The following TOP1MT variants were observed in gnomAD, a reference collection of about 807,000 sequenced individuals.
The protein encoded by TOP1MT is DNA topoisomerase I, mitochondrial.
In TOP1MT, 80 loss-of-function variants were observed where a neutral mutation model predicts 73.9. The observed-to-expected ratio is 1.08, with a 90% CI of 0.90 to 1.30. The LOEUF (loss-of-function observed/expected upper bound fraction) is 1.30. TOP1MT is among the 50% of genes most tolerant of loss of function. The pLI is 0.00. For missense variants in TOP1MT, 815 were observed against 808.0 expected (o/e 1.01, Z -0.10); for synonymous variants, 338 against 326.4 (o/e 1.04, Z -0.38).
chr8:143,337,841 G>GACCTAATC (rs1451548470), upstream of TOP1MT, among the ~76,000 whole-genome samples: 57 of 152,222 alleles, frequency 3.7e-4, no homozygotes, highest in African/African-American at 1.0e-3. Flanking sequence ...GATCGGCCCG[G>GACCTAATC]ACCTAATCGC....
At chr8:143,330,923 G>A (rs1259978683) in intron 2 of TOP1MT, among the ~76,000 whole-genome samples, 2 of 138,652 alleles carry the variant, frequency 1.4e-5, no homozygotes, top group Admixed American at 1.4e-4. Flanking sequence ...AACACACAGG[G>A]AACACAGTGG....
intron 1 of TOP1MT, among the ~76,000 whole-genome samples, chr8:143,355,756 C>T (rs921748592): frequency 5.3e-5 from 8 of 152,188 alleles, no homozygotes; most frequent in East Asian, 1.9e-4. Context: ...GCTCGCATTA[C>T]GAACCTGCTC....
Position 143,325,430 on chromosome 8 carries a change from A to T in TOP1MT, c.587T>A (p.Leu196Ter). ...IGNFKIEPPG[L>*]FRGRGDHPKM... ...GGGATGGTCGCCACGGCCACGGAAC[A>T]AGCCAGGCGGCTCAATCTTGAAGTT... is the stretch of plus-strand genomic sequence containing the variant. The change falls in exon 5 of 14, where the codon TTG (leucine) becomes TAG (stop). Residue 196 changes from leucine (L) to a stop codon, truncating the protein, a stop_gained. Transcript: ENST00000329245. LOFTEE classifies it high-confidence loss of function. The T allele has an allele frequency of 6.2e-7, 1 of 1,613,374 alleles. No homozygotes were observed.
upstream of TOP1MT, among the ~76,000 whole-genome samples, chr8:143,335,335 G>T (rs931637500): frequency 6.6e-6 from 1 of 152,196 alleles, no homozygotes; most frequent in African/African-American, 2.4e-5. Flanking sequence ...ACAAACAGCA[G>T]CACTTCCAGG....
Position 143,344,315 on chromosome 8 carries a change from C to T in TOP1MT, c.-39+601G>A, listed in dbSNP as rs1291270207. On this transcript the variant is annotated intron_variant, in intron 1 of 5. Coordinates refer to the TOP1MT transcript ENST00000518007. The surrounding 1 kb of genome is among the most constrained non-coding windows in gnomAD (Gnocchi z 4.6). ...TCCCACAGGGAAGCCGTGGGAGGCC[C>T]CCTCTGCCCCAGCCCAGCTCAGCCC... 6.6e-6 allele frequency: 1 copy of T among 152,412 alleles called. No individual in the cohort carries two copies. The highest frequency in any genetic ancestry group is 1.5e-5 in the Non-Finnish European group (1 of 68,250). The allele number at this position is 152,412 out of a possible 1,614,324, so 9.4% of individuals were successfully genotyped here. A position where few individuals can be genotyped will look rare whatever the true frequency, so the allele number is the denominator to read the frequency against.
At position 143,318,547 on chromosome 8, in the gene TOP1MT, G is replaced by A. The variant is rs573585629; in HGVS notation, c.1147-461C>T. ...CTTCTGGAAAGACCAACCCTGCTCC[G>A]AGGAAACGCCAGCCTGCACCTGCAC... On this transcript the variant is annotated intron_variant, in intron 8 of 13. Transcript: ENST00000329245. Among the ~76,000 whole-genome samples, 97 of 152,236 alleles carry A rather than the reference G, an allele frequency of 6.4e-4. 1 individual carries two copies. Among genetic ancestry groups the A allele is most frequent in the Non-Finnish European group, 1.1e-3 (73 of 68,006 alleles).
At chr8:143,335,836 C>G (rs1816973268), upstream of TOP1MT, among the ~76,000 whole-genome samples, 1 of 152,248 alleles carries the variant, frequency 6.6e-6, no homozygotes, top group Non-Finnish European at 1.5e-5. Flanking sequence ...CACCAACTGA[C>G]TCAGTGTCCA....
intron 12 of TOP1MT, among the ~76,000 whole-genome samples, chr8:143,312,144 C>A (rs1816030553): frequency 6.6e-6 from 1 of 152,212 alleles, no homozygotes; most frequent in Non-Finnish European, 1.5e-5. Context: ...GCCTGAGCAA[C>A]ACAGCAAGAC....
rs1368071558 is a variant in TOP1MT at position 143,321,300 on chromosome 8, C to G, written c.1047G>C (p.Gln349His). Residue 349 changes from glutamine (Q) to histidine (H), a missense_variant, in exon 8 of 14, where the codon CAG becomes CAC. Gln to His is a conservative substitution (Grantham distance 24). Transcript: ENST00000329245. ...GCCSLRVEHV[Q>H]LHPEADGCQH... Reference sequence around the variant, plus strand: ...GGCAGCCATCGGCCTCCGGGTGCAGCTGGACGTGCTCCACGCGGAGGGAAC... The same window carrying G: ...GGCAGCCATCGGCCTCCGGGTGCAGGTGGACGTGCTCCACGCGGAGGGAAC... The G allele has an allele frequency of 6.2e-7, 1 of 1,612,676 alleles. No individual in the cohort carries two copies.
chr8:143,341,433 T>C lies in TOP1MT; in HGVS notation c.29+1787A>G, dbSNP rs1160465527. Among the ~76,000 whole-genome samples, 5 of 152,164 alleles carry C rather than the reference T, an allele frequency of 3.3e-5. No individual in the cohort carries two copies. Among genetic ancestry groups the C allele is most frequent in the Admixed American group, 3.3e-4 (5 of 15,280 alleles). On this transcript the variant is annotated intron_variant, in intron 2 of 5. Coordinates refer to the TOP1MT transcript ENST00000518007. The surrounding 1 kb of genome is among the most constrained non-coding windows in gnomAD (Gnocchi z 4.1). ...GTCTGCAGGAACCTCCGTGTGGCCTTGGGACCTTGCCCAGAACAGAGAGCA... is the reference window on the plus strand; with the variant it reads ...GTCTGCAGGAACCTCCGTGTGGCCTCGGGACCTTGCCCAGAACAGAGAGCA...
At chr8:143,324,169 A>T in intron 6 of TOP1MT, 27 bp from the exon 7 acceptor site, 1 of 1,610,782 alleles carries the variant, frequency 6.2e-7, no homozygotes, top group South Asian at 1.1e-5. Flanking sequence ...ACAGGAAAGA[A>T]AACATTCACA....
chr8:143,338,876 C>T (rs1563769913), upstream of TOP1MT, among the ~76,000 whole-genome samples: 1 of 152,210 alleles, frequency 6.6e-6, no homozygotes, highest in African/African-American at 2.4e-5. Flanking sequence ...TGGCGGCCTC[C>T]TCCCCTTGTG....
At chr8:143,332,700 G>A in intron 1 of TOP1MT, 1 of 598,702 alleles carries the variant, frequency 1.7e-6, no homozygotes, top group South Asian at 1.6e-5. Flanking sequence ...CGTAGAGACG[G>A]AGCTGATAAA....
At position 143,316,088 on chromosome 8, in the gene TOP1MT, G is replaced by C. The variant is rs200573878; in HGVS notation, c.1369C>G (p.Arg457Gly). 2 of 1,614,162 alleles carry C rather than the reference G, an allele frequency of 1.2e-6. No homozygotes were observed. The highest frequency in any genetic ancestry group is 1.7e-6 in the Non-Finnish European group (2 of 1,179,998). ...AGAATGGCCACGACTCGGTTGGCTC[G>C]GTTGTAGGATAAGATCTTAGCTGCT... ...SIAAKILSYN[R>G]ANRVVAILCN... Residue 457 changes from arginine (R) to glycine (G), a missense_variant, in exon 11 of 14, where the codon CGA (arginine) becomes GGA (glycine). By Grantham distance (125) the Arg-to-Gly change is moderately radical. This residue lies in a region of TOP1MT where 751 missense variants were observed against 725.4 expected (regional missense o/e 1.04). Coordinates refer to ENST00000329245, the MANE Select transcript of TOP1MT (RefSeq NM_052963.3).
At chr8:143,354,838 A>G (rs1349056538) in intron 1 of TOP1MT, among the ~76,000 whole-genome samples, 1 of 152,208 alleles carries the variant, frequency 6.6e-6, no homozygotes, top group Non-Finnish European at 1.5e-5. Context: ...GGGCTGCTGC[A>G]TGGTCAGACC....
chr8:143,315,765 C>A lies in TOP1MT; in HGVS notation c.1515G>T (p.Arg505Ser), dbSNP rs1418259661. 3.1e-6 allele frequency: 5 copies of A among 1,614,056 alleles called. No individual in the cohort carries two copies. In the East Asian group the frequency reaches 8.9e-5, roughly 29 times the overall value. Residue 505 changes from arginine (R) to serine (S), a missense_variant, in exon 12 of 14, where the codon AGG (arginine) becomes AGT (serine). Transcript: ENST00000329245. ...AEARAELRRA[R>S]AEHKAQGDGK... ...CATCCCCTTGGGCTTTGTGCTCAGC[C>A]CTCGCCCTCCTCAGCTCTGCCCTGG...
At chr8:143,340,597 C>T (rs2130397980) in intron 2 of TOP1MT, among the ~76,000 whole-genome samples, 1 of 152,294 alleles carries the variant, frequency 6.6e-6, no homozygotes, top group South Asian at 2.1e-4. Context: ...TCACCAGGCC[C>T]CCCACCTCCC....
At chr8:143,348,615 GT>G (rs200582085), upstream of TOP1MT, among the ~76,000 whole-genome samples, 249 of 150,978 alleles carry the variant, frequency 1.6e-3, 4 homozygotes, top group African/African-American at 5.2e-3. This position sits in a 1 kb window ranked among gnomAD's most constrained non-coding sequence, Gnocchi z 4.6. Context: ...GTGGGGGGGG[GT>G]GGGGGCCCTC....
At chr8:143,312,567 A>G (rs1432205907) in intron 12 of TOP1MT, among the ~76,000 whole-genome samples, 2 of 152,220 alleles carry the variant, frequency 1.3e-5, no homozygotes, top group Non-Finnish European at 2.9e-5. Flanking sequence ...AAATTTTGTT[A>G]ACTTAACAAA....
Sources: allele counts gnomAD v4.1 joint callset (sites outside exome capture counted in the v4.1 genomes callset), GRCh38; gene constraint gnomAD v4.1.1; regional missense constraint gnomAD v4.1.1; non-coding constraint Gnocchi (gnomAD v3.1); transcripts MANE v1.5; gene names NCBI Gene and HGNC (gene_info 2026-07-23, HGNC 2026-07-21).